Variants in HOXA3 observed in about 807,000 individuals in gnomAD.
HOXA3 encodes homeobox A3.
A neutral mutation model predicts 30.3 loss-of-function variants in HOXA3; 8 were observed. That is an observed-to-expected ratio of 0.26 (90% confidence interval 0.15 to 0.48). The LOEUF is 0.48. Among genes scored for constraint, HOXA3 ranks in the 20% least tolerant of loss-of-function variants. The probability of loss-of-function intolerance (pLI) is 0.99; values close to 1 mark genes in which losing one functional copy is unlikely to be tolerated. For missense variants in HOXA3, 653 were observed against 614.4 expected, an observed-to-expected ratio of 1.06 and a Z score of -0.66; for synonymous variants, 323 against 273.1, an observed-to-expected ratio of 1.18 and a Z score of -1.80.
At position 27,110,630 on chromosome 7, in the gene HOXA3, G is replaced by C; in HGVS notation, c.11C>G (p.Ala4Gly). The change falls in exon 5 of 6, where the codon GCG (alanine) becomes GGG (glycine). Residue 4 changes from alanine to glycine, a missense_variant. Coordinates refer to ENST00000612286, the MANE Select transcript of HOXA3 (RefSeq NM_153631.3). MQKATYYDSSAIYG... is the reference protein window; with the variant it reads MQKGTYYDSSAIYG... ...GATCGCCGAGCTGTCGTAGTAGGTC[G>C]CTTTTTGCATCGCGTTGTTTCACGA... 6.2e-7 allele frequency: 1 copy of C among 1,602,946 alleles called. No homozygotes were observed. The highest frequency in any genetic ancestry group is 8.5e-7 in the Non-Finnish European group (1 of 1,171,576).
At position 27,136,016 on chromosome 7, in the gene HOXA3, TG is replaced by T. The variant is rs544695285; in HGVS notation, c.-390+4066del. ...TAGGGTTCACCTGGAGTCCATACCG[TG>T]ATACACGCGTCACTCTGAGCCATTT... On this transcript the variant is annotated intron_variant, in intron 2 of 5. Transcript: ENST00000612286. 2.3e-3 allele frequency among the ~76,000 whole-genome samples: 351 copies of T among 152,340 alleles called. 2 individuals are homozygous for T. Among genetic ancestry groups the T allele is most frequent in the Admixed American group, 5.2e-3 (79 of 15,308 alleles).
In HOXA3 at chr7:27,108,433, C is replaced by T. The variant is rs1562709579; in HGVS notation, c.814G>A (p.Gly272Arg). The T allele has an allele frequency of 1.2e-6, 2 of 1,613,554 alleles. No individual in the cohort carries two copies. Among genetic ancestry groups the T allele is most frequent in the Non-Finnish European group, 8.5e-7 (1 of 1,179,826 alleles). Residue 272 changes from glycine (G) to arginine (R), a missense_variant, in exon 6 of 6, where the codon GGA becomes AGA. This residue lies in a region of HOXA3 where 330 missense variants were observed against 274.4 expected (regional missense o/e 1.20). Coordinates refer to ENST00000612286, the MANE Select transcript of HOXA3 (RefSeq NM_153631.3). The surrounding 1 kb of genome is among the most constrained non-coding windows in gnomAD (Gnocchi z 5.0). The part of the protein sequence containing the change: ...QSPSRSPVPP[G>R]AGGYLNSMHS... ...ATAGAGTTCAGATAGCCACCGGCTC[C>T]GGGGGGCACGGGGCTGCGACTTGGA...
At chr7:27,141,747 G>T in intron 1 of HOXA3, 1 of 1,499,512 alleles carries the variant, frequency 6.7e-7, no homozygotes, top group African/African-American at 1.4e-5. Flanking sequence ...TTCACAGAAG[G>T]AACACAAGGG....
chr7:27,138,582 G>A (rs1392792598), intron 2 of HOXA3, among the ~76,000 whole-genome samples: 4 of 152,186 alleles, frequency 2.6e-5, no homozygotes, highest in Non-Finnish European at 4.4e-5. Context: ...TGGGTCCCTT[G>A]TGGGTACCCA....
At chr7:27,117,872 C>T (rs1784805576) in intron 4 of HOXA3, among the ~76,000 whole-genome samples, 2 of 152,188 alleles carry the variant, frequency 1.3e-5, no homozygotes, top group South Asian at 4.1e-4. Flanking sequence ...CAGCCCTGCC[C>T]TGCTGCAGTG....
Position 27,110,139 on chromosome 7 carries a change from G to C in HOXA3, c.502C>G (p.Gln168Glu). Residue 168 changes from glutamine (Q) to glutamate (E), a missense_variant, in exon 5 of 6, where the codon CAG (glutamine) becomes GAG (glutamate). Gln to Glu is a conservative substitution (Grantham distance 29). Transcript: ENST00000612286. ...CCTGAGCTGGAGCTGCTGGTTTTCT[G>C]CTTTGTGTTTTGTCGAGACTCTTTC... ...WMKESRQNTK[Q>E]KTSSSSSGES... 6.2e-7 allele frequency: 1 copy of C among 1,614,186 alleles called. No homozygotes were observed. The highest frequency in any genetic ancestry group is 8.5e-7 in the Non-Finnish European group (1 of 1,180,030).
chr7:27,143,716 G>C, intron 1 of HOXA3: 1 of 1,463,178 alleles, frequency 6.8e-7, no homozygotes, highest in East Asian at 2.5e-5. Flanking sequence ...CATGTACTTG[G>C]TTCCCTCCTA....
intron 4 of HOXA3, among the ~76,000 whole-genome samples, chr7:27,114,526 G>C (rs1244270124): frequency 6.6e-6 from 1 of 151,692 alleles, no homozygotes; most frequent in African/African-American, 2.4e-5. Context: ...AAATTTTCAG[G>C]CAGAAACTGC....
chr7:27,121,491 C>T (rs1785012347), intron 4 of HOXA3, among the ~76,000 whole-genome samples: 1 of 152,122 alleles, frequency 6.6e-6, no homozygotes, highest in Admixed American at 6.5e-5. Context: ...TATAAACAGA[C>T]ATACAGTAGC....
chr7:27,130,415 C>T lies in HOXA3; in HGVS notation c.-389-3345G>A, dbSNP rs1416460786. ...TGGGGCGGCCGCCCGGGGCTGGCGC[C>T]GCCGCGGTAGCCATAGGGGTAGGCG... On this transcript the variant is annotated intron_variant, in intron 2 of 5. Transcript: ENST00000612286. 63 of 1,173,924 alleles carry T rather than the reference C, an allele frequency of 5.4e-5. No homozygotes were observed. Among genetic ancestry groups the T allele is most frequent in the South Asian group, 1.2e-4 (3 of 24,160 alleles). The allele number at this position is 1,173,924 out of a possible 1,614,324, so 72.7% of individuals were successfully genotyped here.
intron 3 of HOXA3, chr7:27,122,963 G>A (rs543238018): frequency 2.4e-4 from 36 of 152,430 alleles, no homozygotes; most frequent in African/African-American, 8.4e-4. Flanking sequence ...AGGAAGCTGA[G>A]AAGGTGGAAG....
At chr7:27,142,077 C>T (rs1376643667) in intron 1 of HOXA3, 2 of 1,613,212 alleles carry the variant, frequency 1.2e-6, no homozygotes, top group East Asian at 2.2e-5. Context: ...TCCGGGCCGC[C>T]TATGTTGTCT....
At chr7:27,130,485 G>C (rs1785493964) in intron 2 of HOXA3, 16 of 1,273,742 alleles carry the variant, frequency 1.3e-5, no homozygotes, top group Admixed American at 8.0e-5. Flanking sequence ...CAGCAGGGTA[G>C]GCGGGCTCGC....
At chr7:27,122,261 T>A (rs2128049877) in intron 4 of HOXA3, 1 of 152,318 alleles carries the variant, frequency 6.6e-6, no homozygotes, top group South Asian at 2.1e-4. Context: ...GTGGTTTGTT[T>A]GGGGCTTGCA....
intron 1 of HOXA3, chr7:27,147,345 C>A (rs572360973): frequency 6.2e-7 from 1 of 1,614,158 alleles, no homozygotes; most frequent in South Asian, 1.1e-5. Flanking sequence ...AAGGGTAAAC[C>A]GGGCTCGTGT....
chr7:27,122,497 ACTCCT>A (rs1216644470), intron 4 of HOXA3, 57 bp downstream of exon 4: 3 of 152,036 alleles, frequency 2.0e-5, no homozygotes, highest in Non-Finnish European at 4.4e-5. Flanking sequence ...TGGAGGGCCA[ACTCCT>A]CCCAACCGCC....
chr7:27,127,587 C>G (rs956932036), intron 2 of HOXA3, among the ~76,000 whole-genome samples: 8 of 152,206 alleles, frequency 5.3e-5, no homozygotes, highest in Non-Finnish European at 8.8e-5. Flanking sequence ...GGTGACAGTT[C>G]TAATATTCTG....
chr7:27,117,017 C>G (rs1157932924), intron 4 of HOXA3, among the ~76,000 whole-genome samples: 1 of 152,164 alleles, frequency 6.6e-6, no homozygotes, highest in Non-Finnish European at 1.5e-5. Context: ...ACCTCTGACT[C>G]CTTATAAGCA....
At chr7:27,143,180 ACCCCCTCT>A in intron 1 of HOXA3, 1 of 1,610,620 alleles carries the variant, frequency 6.2e-7, no homozygotes, top group Non-Finnish European at 8.5e-7. Context: ...CGCCGTGCCA[ACCCCCTCT>A]CTGCTGCTGA....
Sources: allele counts gnomAD v4.1 joint callset (sites outside exome capture counted in the v4.1 genomes callset), GRCh38; gene constraint gnomAD v4.1.1; regional missense constraint gnomAD v4.1.1; non-coding constraint Gnocchi (gnomAD v3.1); transcripts MANE v1.5; gene names NCBI Gene and HGNC (gene_info 2026-07-23, HGNC 2026-07-21).